STK32B: variants seen among roughly 807,000 people sequenced by gnomAD.
STK32B encodes serine/threonine kinase 32B, also known as serine/threonine-protein kinase 32B.
STK32B carries 43 observed loss-of-function variants against 52.6 expected under a neutral mutation model. The ratio of observed to expected loss-of-function variants is 0.82; its 90% CI spans 0.64 to 1.05. The LOEUF (loss-of-function observed/expected upper bound fraction) is 1.05, where lower values mean the gene tolerates loss of function less well. Ranked by LOEUF, STK32B falls within the 50% of genes least tolerant of loss-of-function variation. STK32B has a pLI of 0.00. For missense variants in STK32B, 621 were observed against 534.6 expected (o/e 1.16, Z -1.59); for synonymous variants, 238 against 204.3 (o/e 1.17, Z -1.41).
intron 11 of STK32B, among the ~76,000 whole-genome samples, chr4:5,495,218 A>C (rs1373096013): frequency 6.6e-6 from 1 of 152,180 alleles, no homozygotes; most frequent in Non-Finnish European, 1.5e-5. Flanking sequence ...TACACCAATC[A>C]GACGTAGATT....
At chr4:5,346,977 C>G (rs1733509506) in intron 4 of STK32B, among the ~76,000 whole-genome samples, 1 of 152,180 alleles carries the variant, frequency 6.6e-6, no homozygotes, top group African/African-American at 2.4e-5. Context: ...ATAAAACCAT[C>G]AGATCCTGTG....
chr4:5,146,003 A>G (rs1716880422), intron 2 of STK32B, among the ~76,000 whole-genome samples: 2 of 148,726 alleles, frequency 1.3e-5, no homozygotes, highest in Non-Finnish European at 3.0e-5. Flanking sequence ...TTAGTTCTAT[A>G]CTTCATTTTG....
At chr4:5,464,958 A>C (rs572970532) in intron 9 of STK32B, among the ~76,000 whole-genome samples, 2 of 152,280 alleles carry the variant, frequency 1.3e-5, no homozygotes, top group African/African-American at 4.8e-5. Flanking sequence ...CAACTTCTGG[A>C]GGACAGATGT....
At chr4:5,262,714 A>C (rs1301782634) in intron 3 of STK32B, among the ~76,000 whole-genome samples, 1 of 152,156 alleles carries the variant, frequency 6.6e-6, no homozygotes, top group Admixed American at 6.5e-5. Context: ...AAAGCATATT[A>C]AAACAGCATG....
intron 1 of STK32B, among the ~76,000 whole-genome samples, chr4:5,102,436 G>GCTTCCTTCCTTGCTTC (rs1713840469): frequency 9.5e-6 from 1 of 105,154 alleles, no homozygotes. Context: ...CTCCTTCCTT[G>GCTTCCTTCCTTGCTTC]CTTCCTTCCT....
chr4:5,293,700 A>G (rs1206406100), intron 3 of STK32B, among the ~76,000 whole-genome samples: 3 of 152,030 alleles, frequency 2.0e-5, no homozygotes, highest in Non-Finnish European at 4.4e-5. Flanking sequence ...CCTTTGTCAG[A>G]TGGATAGATT....
chr4:5,383,216 C>A (rs951407702), intron 4 of STK32B, among the ~76,000 whole-genome samples: 1 of 152,068 alleles, frequency 6.6e-6, no homozygotes, highest in African/African-American at 2.4e-5. Flanking sequence ...GTGCCCACCG[C>A]GCCAGCTTGT....
At position 5,168,469 on chromosome 4, in the gene STK32B, A is replaced by G. The variant is rs780516877; in HGVS notation, c.260+19A>G. 1.2e-6 allele frequency: 2 copies of G among 1,604,636 alleles called. No individual in the cohort carries two copies. Among genetic ancestry groups the G allele is most frequent in the Non-Finnish European group, 1.7e-6 (2 of 1,174,440 alleles). On this transcript the variant is annotated intron_variant, in intron 3 of 11. Coordinates refer to ENST00000282908, the MANE Select transcript of STK32B (RefSeq NM_018401.3). Reference sequence around the variant, plus strand: ...ATCTGTGGTGAGTGTGGCTCCATCCAGGGCTCCTGTGGGTTCCCCTGTGGG... The same window carrying G: ...ATCTGTGGTGAGTGTGGCTCCATCCGGGGCTCCTGTGGGTTCCCCTGTGGG...
At chr4:5,183,716 T>C (rs574862255) in intron 3 of STK32B, among the ~76,000 whole-genome samples, 17 of 152,322 alleles carry the variant, frequency 1.1e-4, no homozygotes, top group African/African-American at 3.6e-4. Context: ...CCTTTGTCAA[T>C]GACCGTAGCA....
At chr4:5,111,905 C>T (rs1013561046) in intron 1 of STK32B, among the ~76,000 whole-genome samples, 3 of 152,054 alleles carry the variant, frequency 2.0e-5, no homozygotes, top group African/African-American at 7.3e-5. Flanking sequence ...AGAAGTGAGA[C>T]AGGGAAGGGA....
chr4:5,424,032 T>C (rs1241906507), intron 6 of STK32B, among the ~76,000 whole-genome samples: 4 of 152,094 alleles, frequency 2.6e-5, no homozygotes, highest in Non-Finnish European at 4.4e-5. Flanking sequence ...GGGGCACCTG[T>C]TCCTGCTGCC....
At position 5,107,240 on chromosome 4, in the gene STK32B, C is replaced by G. The variant is rs148056402; in HGVS notation, c.53-32665C>G. ...TGCCTGATGATCTGTCACTGTCTCC[C>G]ATCACCCCAAAATGAGACCATCTAG... is the stretch of plus-strand genomic sequence containing the variant. On this transcript the variant is annotated intron_variant, in intron 1 of 11. Transcript: ENST00000282908. 6.7e-3 allele frequency among the ~76,000 whole-genome samples: 1,012 copies of G among 152,162 alleles called. 14 individuals are homozygous for G. The highest frequency in any genetic ancestry group is 0.024 in the Middle Eastern group (7 of 294).
Position 5,207,930 on chromosome 4 carries a change from G to T in STK32B, c.260+39480G>T, listed in dbSNP as rs879166517. Among the ~76,000 whole-genome samples the T allele has an allele frequency of 2.0e-5, 3 of 151,850 alleles. No individual in the cohort carries two copies. In the South Asian group the frequency reaches 6.3e-4, roughly 32 times the overall value. On this transcript the variant is annotated intron_variant, in intron 3 of 11. Transcript: ENST00000282908. ...TTTTAACATCCACATTTCCTTCTCT[G>T]TACATTTATTCACAAAGGAAACATT...
the STK32B span, among the ~76,000 whole-genome samples, chr4:5,037,944 G>C: frequency 1.9e-4 from 29 of 152,296 alleles, no homozygotes; most frequent in South Asian, 5.4e-3. Context: ...AGGGACGGAA[G>C]GGGGAGGGAG....
chr4:5,341,718 G>T (rs1159694628), intron 4 of STK32B, among the ~76,000 whole-genome samples: 2 of 152,190 alleles, frequency 1.3e-5, no homozygotes, highest in South Asian at 2.1e-4. Flanking sequence ...TGCACGGGAA[G>T]CATGCTGCTG....
the STK32B span, among the ~76,000 whole-genome samples, chr4:5,037,739 C>G: frequency 1.3e-5 from 2 of 152,156 alleles, no homozygotes; most frequent in African/African-American, 2.4e-5. Flanking sequence ...ACTGAAGACT[C>G]AAAGATTAAA....
At chr4:5,302,470 A>G (rs1291892913) in intron 3 of STK32B, among the ~76,000 whole-genome samples, 1 of 152,108 alleles carries the variant, frequency 6.6e-6, no homozygotes, top group Non-Finnish European at 1.5e-5. Context: ...TAGATCTACA[A>G]GCCTTCTGAA....
chr4:5,422,780 A>T (rs1007553699), intron 6 of STK32B, among the ~76,000 whole-genome samples: 1 of 152,152 alleles, frequency 6.6e-6, no homozygotes, highest in Non-Finnish European at 1.5e-5. Context: ...TGGTGTGGCT[A>T]TTGGAAGGAG....
chr4:5,493,099 GAGTT>G (rs1255749427), intron 11 of STK32B, among the ~76,000 whole-genome samples: 4 of 151,476 alleles, frequency 2.6e-5, no homozygotes, highest in Non-Finnish European at 5.9e-5. Flanking sequence ...CTCATAAAAT[GAGTT>G]AGGGAGGATT....
Sources: gnomAD v4.1 joint callset for allele counts (sites outside exome capture counted in the v4.1 genomes callset) on GRCh38, gnomAD v4.1.1 for gene constraint, MANE v1.5 for transcripts, NCBI Gene and HGNC (gene_info 2026-07-23, HGNC 2026-07-21) for gene names.